The following PPP1R13L variants were observed in gnomAD, a reference collection of about 807,000 sequenced individuals.
PPP1R13L encodes the protein relA-associated inhibitor.
Under a neutral mutation model 80.9 loss-of-function variants are expected in PPP1R13L, and 50 were observed. The observed-to-expected ratio is 0.62, with a 90% CI of 0.49 to 0.78. PPP1R13L has a LOEUF of 0.78. Among genes scored for constraint, PPP1R13L ranks in the 30% least tolerant of loss-of-function variants. The pLI is 0.00. For synonymous variants in PPP1R13L, 602 were observed against 534.3 expected (o/e 1.13, Z -1.75); for missense variants, 1,200 against 1,205.9 (o/e 1.00, Z 0.07).
At chr19:45,385,336 A>G (rs1046596182) in intron 11 of PPP1R13L, among the ~76,000 whole-genome samples, 2 of 152,126 alleles carry the variant, frequency 1.3e-5, no homozygotes, top group Non-Finnish European at 2.9e-5. Context: ...CTCCTCCCCA[A>G]AGGTGTCCAG....
chr19:45,406,206 G>T, upstream of PPP1R13L: 2 of 786,940 alleles, frequency 2.5e-6, no homozygotes, highest in Non-Finnish European at 3.1e-6. The surrounding 1 kb of genome is among the most constrained non-coding windows in gnomAD (Gnocchi z 4.2). Flanking sequence ...GCTTCTCCCA[G>T]TCAAGTTCTG....
At chr19:45,405,422 T>A (rs977837825), upstream of PPP1R13L, among the ~76,000 whole-genome samples, 3 of 152,068 alleles carry the variant, frequency 2.0e-5, no homozygotes, top group Non-Finnish European at 4.4e-5. Flanking sequence ...AATCTCCCCG[T>A]CGATAAAAAG....
In PPP1R13L at chr19:45,396,969, C is replaced by A; in HGVS notation, c.288G>T (p.Pro96=). The change falls in exon 4 of 13, where the codon CCG becomes CCT. Residue 96 remains proline, a synonymous_variant. Transcript: ENST00000360957. The surrounding 1 kb of genome is among the most constrained non-coding windows in gnomAD (Gnocchi z 5.3). ...RKAATDGADT[P]FGRSESAPTL... ...TTGGGGCACTCTCTGATCGTCCGAA[C>A]GGGGTGTCTGCGCCGTCGGTGGCCG... The A allele has an allele frequency of 7.1e-7, 1 of 1,398,682 alleles. No homozygotes were observed. The highest frequency in any genetic ancestry group is 9.3e-7 in the Non-Finnish European group (1 of 1,075,876). The allele number at this position is 1,398,682 out of a possible 1,614,324, so 86.6% of individuals were successfully genotyped here.
intron 1 of PPP1R13L, among the ~76,000 whole-genome samples, chr19:45,401,809 A>T (rs892037755): frequency 3.3e-5 from 5 of 152,132 alleles, no homozygotes; most frequent in Non-Finnish European, 7.3e-5. Flanking sequence ...TCAAAAATTC[A>T]AATCTGAGGG....
chr19:45,386,931 C>T (rs1972882554), intron 8 of PPP1R13L, among the ~76,000 whole-genome samples: 1 of 151,600 alleles, frequency 6.6e-6, no homozygotes, highest in South Asian at 2.1e-4. Context: ...CCACTGTGCC[C>T]AGCCTCATGG....
chr19:45,393,670 C>T (rs551171605), intron 7 of PPP1R13L, among the ~76,000 whole-genome samples: 15 of 151,952 alleles, frequency 9.9e-5, no homozygotes, highest in Non-Finnish European at 2.1e-4. Context: ...GTCAGGAGAT[C>T]GAGACCATCC....
intron 1 of PPP1R13L, among the ~76,000 whole-genome samples, chr19:45,404,062 G>A (rs1303055759): frequency 6.6e-6 from 1 of 152,122 alleles, no homozygotes; most frequent in Admixed American, 6.5e-5. Flanking sequence ...ATCTGGCGGG[G>A]GCGGATGGAA....
At chr19:45,403,841 G>T (rs982935351) in intron 1 of PPP1R13L, among the ~76,000 whole-genome samples, 11 of 152,036 alleles carry the variant, frequency 7.2e-5, no homozygotes, top group African/African-American at 2.7e-4. Flanking sequence ...TTCTTAGGAC[G>T]CATGGGGGTG....
rs76291245 is a variant in PPP1R13L, at chr19:45,389,302, G to A, written c.1815+2578C>T. On this transcript the variant is annotated intron_variant, in intron 8 of 12. Coordinates refer to ENST00000360957, the MANE Select transcript of PPP1R13L (RefSeq NM_006663.4). ...AGGGCCTAGGAATAGGCATTTTGGG[G>A]GGGTCCACCTGACCCCTGCTTCTCT... is the stretch of plus-strand genomic sequence containing the variant. Among the ~76,000 whole-genome samples, 358 of 152,180 alleles carry A rather than the reference G, an allele frequency of 2.4e-3. 1 individual carries two copies. The highest frequency in any genetic ancestry group is 8.4e-3 in the African/African-American group (347 of 41,498).
In PPP1R13L at chr19:45,394,134, T is replaced by A. The variant is rs1198077134; in HGVS notation, c.1354+1302A>T. On this transcript the variant is annotated intron_variant, in intron 7 of 12. Transcript: ENST00000360957. ...TATTAATAAATTATTATAACTAATA[T>A]GGTAGCTATTTATTTGAGACTGGGT... 2.0e-5 allele frequency among the ~76,000 whole-genome samples: 3 copies of A among 152,082 alleles called. No homozygotes were observed. The East Asian group carries it at 5.8e-4, about 29-fold the overall frequency.
At chr19:45,395,179 C>T (rs1346555118) in intron 7 of PPP1R13L, 3 of 509,380 alleles carry the variant, frequency 5.9e-6, no homozygotes, top group Non-Finnish European at 1.1e-5. Context: ...AAAATTGAGG[C>T]CCAGTGAGGT....
intron 7 of PPP1R13L, 47 bp downstream of exon 7, chr19:45,395,389 T>G (rs1973060619): frequency 1.9e-6 from 3 of 1,566,602 alleles, no homozygotes; most frequent in Non-Finnish European, 1.7e-6. Flanking sequence ...CCCCTGCCAT[T>G]TGTCCTCCCT....
chr19:45,404,825 C>T (rs986706882), intron 1 of PPP1R13L, among the ~76,000 whole-genome samples, 174 bp downstream of exon 1: 1 of 152,196 alleles, frequency 6.6e-6, no homozygotes, highest in Admixed American at 6.5e-5. Context: ...CATCCGAACC[C>T]GCTTTCCTTC....
intron 12 of PPP1R13L, among the ~76,000 whole-genome samples, chr19:45,381,608 C>T (rs887675289): frequency 2.0e-5 from 3 of 152,038 alleles, no homozygotes; most frequent in Non-Finnish European, 2.9e-5. Context: ...GCAGTACTGG[C>T]GAGCACCCTA....
At position 45,398,000 on chromosome 19, in the gene PPP1R13L, C is replaced by G; in HGVS notation, c.198+5G>C. ...TTTGGAGATCAAGGTGGGAACCAGG[C>G]TTACCCTAGAAGGGGGTCCGGCCTG... is the stretch of plus-strand genomic sequence containing the variant. On this transcript the variant is annotated splice_donor_5th_base_variant and intron_variant, in intron 3 of 12. Coordinates refer to ENST00000360957, the MANE Select transcript of PPP1R13L (RefSeq NM_006663.4). 1 of 1,607,582 alleles carries G rather than the reference C, an allele frequency of 6.2e-7. No individual in the cohort carries two copies.
rs1326837509 is a variant in PPP1R13L at position 45,398,359 on chromosome 19, G to C, written c.-21-20C>G. 1 of 1,610,014 alleles carries C rather than the reference G, an allele frequency of 6.2e-7. No individual in the cohort carries two copies. Among genetic ancestry groups the C allele is most frequent in the South Asian group, 1.1e-5 (1 of 90,926 alleles). On this transcript the variant is annotated intron_variant, in intron 1 of 12. Coordinates refer to ENST00000360957, the MANE Select transcript of PPP1R13L (RefSeq NM_006663.4). ...GGGCGCCTGCATGGTGGGGAGGGAG[G>C]GAGCTGGCTAAGACCCCGCCCCTCT... is the stretch of plus-strand genomic sequence containing the variant.
chr19:45,391,852 T>C, intron 8 of PPP1R13L, 28 bp downstream of exon 8: 1 of 1,429,146 alleles, frequency 7.0e-7, no homozygotes, highest in African/African-American at 1.4e-5. Flanking sequence ...GTAGCAAACA[T>C]ACCCCGGTTT....
chr19:45,391,057 G>T (rs1972962486), intron 8 of PPP1R13L, among the ~76,000 whole-genome samples: 2 of 152,046 alleles, frequency 1.3e-5, no homozygotes, highest in African/African-American at 4.8e-5. Flanking sequence ...AATTAGCCAG[G>T]AGTGGTGGCA....
chr19:45,397,945 C>T, intron 3 of PPP1R13L, 60 bp downstream of exon 3: 1 of 1,541,922 alleles, frequency 6.5e-7, no homozygotes, highest in Non-Finnish European at 8.8e-7. Flanking sequence ...AAATCCAGGC[C>T]TCTGGTCTGG....
Sources: allele counts gnomAD v4.1 joint callset (sites outside exome capture counted in the v4.1 genomes callset), GRCh38; gene constraint gnomAD v4.1.1; non-coding constraint Gnocchi (gnomAD v3.1); transcripts MANE v1.5; gene names NCBI Gene and HGNC (gene_info 2026-07-23, HGNC 2026-07-21).